Variants in GSE1 observed in about 807,000 individuals in gnomAD.
GSE1 encodes the protein genetic suppressor element 1.
In GSE1, 32 loss-of-function variants were observed where a neutral mutation model predicts 112.6. That is an observed-to-expected ratio of 0.28 (90% CI 0.21 to 0.38). The LOEUF (loss-of-function observed/expected upper bound fraction) is 0.38. Ranked by LOEUF, GSE1 falls within the 10% of genes least tolerant of loss-of-function variation. The pLI is 1.00. For missense variants in GSE1, 2,348 were observed against 1,699.2 expected (o/e 1.38, Z -6.71); for synonymous variants, 1,115 against 735.6 (o/e 1.52, Z -8.35).
chr16:85,188,820 AC>A lies in GSE1; in HGVS notation c.2283+17014del, dbSNP rs766948748. 9.8e-4 allele frequency among the ~76,000 whole-genome samples: 125 copies of A among 126,994 alleles called. 1 individual carries two copies. Among genetic ancestry groups the A allele is most frequent in the Middle Eastern group, 4.3e-3 (1 of 230 alleles). 83.3% of individuals were successfully genotyped at this position (126,994 alleles called of 152,430 possible). A position where few individuals can be genotyped will look rare whatever the true frequency, so the allele number is the denominator to read the frequency against. On this transcript the variant is annotated intron_variant, in intron 1 of 2. Coordinates refer to the GSE1 transcript ENST00000637419. ...TATCTCTATCTTAAAAAAAAAAAAA[AC>A]AAAACAAAAAAACACAGGAGTTTAC...
intron 1 of GSE1, among the ~76,000 whole-genome samples, chr16:85,623,588 C>G (rs752817676): frequency 2.0e-5 from 3 of 152,224 alleles, no homozygotes; most frequent in Admixed American, 6.5e-5. Flanking sequence ...AGCTCTCAGC[C>G]TTCAGTGGAA....
intron 2 of GSE1, among the ~76,000 whole-genome samples, chr16:85,413,093 T>C (rs567962709): frequency 1.2e-4 from 18 of 152,318 alleles, no homozygotes; most frequent in African/African-American, 4.3e-4. Context: ...TCTGCTTGTC[T>C]CTTGGCTGTT....
chr16:85,170,005 C>T (rs1288655032), exon 1 of GSE1: 2 of 984,326 alleles, frequency 2.0e-6, no homozygotes, highest in Non-Finnish European at 2.4e-6. Flanking sequence ...CGGCCCCCGG[C>T]TGCGCGGGGC....
intron 1 of GSE1, among the ~76,000 whole-genome samples, chr16:85,186,023 G>A (rs113379433): frequency 1.3e-5 from 2 of 152,202 alleles, no homozygotes; most frequent in Non-Finnish European, 2.9e-5. Context: ...GGAAGCCAGC[G>A]CGAGAGACCA....
At chr16:85,585,413 C>G (rs1354427502) in intron 1 of GSE1, among the ~76,000 whole-genome samples, 1 of 152,266 alleles carries the variant, frequency 6.6e-6, no homozygotes, top group East Asian at 1.9e-4. Flanking sequence ...CCAGGCATGA[C>G]CCCTGAGCTT....
chr16:85,586,313 C>T (rs905898052), intron 1 of GSE1, among the ~76,000 whole-genome samples: 1 of 152,234 alleles, frequency 6.6e-6, no homozygotes, highest in African/African-American at 2.4e-5. Context: ...CACAGTTTAG[C>T]CCATGACATA....
intron 1 of GSE1, among the ~76,000 whole-genome samples, chr16:85,253,310 C>T (rs1252785604): frequency 1.3e-5 from 2 of 152,110 alleles, no homozygotes; most frequent in Non-Finnish European, 2.9e-5. Flanking sequence ...GGGGCCTGGG[C>T]TGTGCTGGGC....
At chr16:85,193,432 C>G (rs1298338507) in intron 1 of GSE1, among the ~76,000 whole-genome samples, 1 of 151,650 alleles carries the variant, frequency 6.6e-6, no homozygotes, top group East Asian at 1.9e-4. Context: ...GCTTTGAACT[C>G]CTGGGCTCAC....
chr16:85,241,153 G>A (rs538449573), intron 1 of GSE1, among the ~76,000 whole-genome samples: 4 of 102,042 alleles, frequency 3.9e-5, no homozygotes, highest in African/African-American at 1.2e-4. Flanking sequence ...TCCTAGCTGC[G>A]TGACCTTGGG....
rs2052392785 is a variant in GSE1 at position 85,527,244 on chromosome 16, G to C, written c.2465-106670G>C. On this transcript the variant is annotated intron_variant, in intron 2 of 2. Coordinates refer to the GSE1 transcript ENST00000637419. ...CTGGTCCGTGGGCGCGCAGGGGCTG[G>C]CTCCGGCCTCGCCCACCTGTGCACA... 2.0e-5 allele frequency among the ~76,000 whole-genome samples: 3 copies of C among 152,236 alleles called. No homozygotes were observed. In the South Asian group the frequency reaches 6.2e-4, roughly 32 times the overall value.
chr16:85,382,668 A>G (rs907717306), intron 2 of GSE1, among the ~76,000 whole-genome samples: 2 of 152,184 alleles, frequency 1.3e-5, no homozygotes, highest in Non-Finnish European at 2.9e-5. Context: ...GCACTGCCAA[A>G]TAACAGCAGA....
At chr16:85,559,151 A>C (rs953030172) in intron 1 of GSE1, among the ~76,000 whole-genome samples, 1 of 152,122 alleles carries the variant, frequency 6.6e-6, no homozygotes, top group Non-Finnish European at 1.5e-5. Context: ...TTACGTGCCC[A>C]GCCCTGGCCT....
chr16:85,553,021 T>C (rs1461290186), upstream of GSE1, among the ~76,000 whole-genome samples: 1 of 152,040 alleles, frequency 6.6e-6, no homozygotes, highest in East Asian at 1.9e-4. Context: ...CAGAAACTGA[T>C]AGTTTAGGGT....
chr16:85,235,085 G>C (rs1904455755), intron 1 of GSE1, among the ~76,000 whole-genome samples: 1 of 152,046 alleles, frequency 6.6e-6, no homozygotes, highest in South Asian at 2.1e-4. Context: ...GGTGGGGTGA[G>C]GTGGAGGGGC....
chr16:85,199,365 C>T (rs74250620), intron 1 of GSE1, among the ~76,000 whole-genome samples: 2,763 of 152,248 alleles, frequency 0.018, 104 homozygotes, highest in East Asian at 0.13. Context: ...AGATTACAGG[C>T]GAGAGCCACA....
chr16:85,635,896 C>T (rs2049955680), intron 2 of GSE1, among the ~76,000 whole-genome samples: 1 of 152,214 alleles, frequency 6.6e-6, no homozygotes, highest in Admixed American at 6.5e-5. Flanking sequence ...ACTCGCCTTC[C>T]CTCCCTGGGC....
At chr16:85,487,453 C>T (rs2050877407) in intron 2 of GSE1, among the ~76,000 whole-genome samples, 1 of 152,126 alleles carries the variant, frequency 6.6e-6, no homozygotes. Flanking sequence ...CTGGGCAGGC[C>T]GATTTCATAA....
intron 1 of GSE1, among the ~76,000 whole-genome samples, chr16:85,221,555 A>G (rs533953995): frequency 6.6e-6 from 1 of 152,258 alleles, no homozygotes; most frequent in South Asian, 2.1e-4. Context: ...ACATGGCAGC[A>G]GGTTCCCTAA....
At chr16:85,397,708 AC>A (rs1386940399) in intron 2 of GSE1, among the ~76,000 whole-genome samples, 1 of 152,056 alleles carries the variant, frequency 6.6e-6, no homozygotes, top group Non-Finnish European at 1.5e-5. Context: ...TCAGCCTCAC[AC>A]CTGCATCGCC....
Sources: gnomAD v4.1 joint callset for allele counts (sites outside exome capture counted in the v4.1 genomes callset) on GRCh38, gnomAD v4.1.1 for gene constraint, MANE v1.5 for transcripts, NCBI Gene and HGNC (gene_info 2026-07-23, HGNC 2026-07-21) for gene names.